Variants in CARS2 observed in about 807,000 individuals in gnomAD.
The protein encoded by CARS2 is cysteinyl-tRNA synthetase 2, mitochondrial.
In CARS2, 52 loss-of-function variants were observed where a neutral mutation model predicts 68.8. The ratio of observed to expected loss-of-function variants is 0.76; its 90% confidence interval spans 0.61 to 0.95. The LOEUF (loss-of-function observed/expected upper bound fraction) is 0.95. Among genes scored for constraint, CARS2 ranks in the 40% least tolerant of loss-of-function variants. The pLI is 0.00. For missense variants in CARS2, 780 were observed against 754.2 expected (o/e 1.03, Z -0.40); for synonymous variants, 314 against 303.6 (o/e 1.03, Z -0.36).
intron 1 of CARS2, chr13:110,713,111 G>T (rs896383948): frequency 2.6e-5 from 38 of 1,436,066 alleles, no homozygotes; most frequent in East Asian, 5.0e-5. Context: ...GTTTCTAGTA[G>T]TAAGAGTCCG....
At chr13:110,693,509 G>A (rs1172516690) in intron 3 of CARS2, among the ~76,000 whole-genome samples, 3 of 151,960 alleles carry the variant, frequency 2.0e-5, no homozygotes, top group Non-Finnish European at 2.9e-5. Context: ...ACAGGTGCCC[G>A]CCACCACGCC....
Position 110,677,089 on chromosome 13 carries a change from G to C in CARS2, c.670C>G (p.Arg224Gly), listed in dbSNP as rs1323009856. Residue 224 changes from arginine (R) to glycine (G), a missense_variant, in exon 7 of 15, where the codon CGT (arginine) becomes GGT (glycine). Coordinates refer to ENST00000257347, the MANE Select transcript of CARS2 (RefSeq NM_024537.4). ...CACAGGGCGAAGTCACTGGCATGAC[G>C]CTTGTCAGAGTCCGCTGCAGATGAC... is the stretch of plus-strand genomic sequence containing the variant. ...PVGEPADSDK[R>G]HASDFALWKA... 9 of 1,607,498 alleles carry C rather than the reference G, an allele frequency of 5.6e-6. No individual in the cohort carries two copies. In the East Asian group the frequency reaches 2.0e-4, roughly 36 times the overall value.
At chr13:110,706,755 G>C (rs1318872961), upstream of CARS2, among the ~76,000 whole-genome samples, 1 of 144,866 alleles carries the variant, frequency 6.9e-6, no homozygotes, top group Non-Finnish European at 1.5e-5. Context: ...CCAATACACA[G>C]TATGCACCCC....
intron 3 of CARS2, among the ~76,000 whole-genome samples, chr13:110,691,101 C>T (rs978507810): frequency 1.3e-5 from 2 of 152,176 alleles, no homozygotes; most frequent in African/African-American, 2.4e-5. Context: ...CTGCAACCTC[C>T]GCCTCCCGGG....
Position 110,665,997 on chromosome 13 carries a change from C to A in CARS2, c.919+1343G>T. The stretch of plus-strand genomic sequence containing the variant: ...CTTTCTTCATCTGGGACAAGGGACA[C>A]GACTACCTCTGTGCCTGAGACACAG... On this transcript the variant is annotated intron_variant, in intron 8 of 14. Transcript: ENST00000257347. The surrounding 1 kb of genome is among the most constrained non-coding windows in gnomAD (Gnocchi z 4.3). 1 of 985,284 alleles carries A rather than the reference C, an allele frequency of 1.0e-6. No homozygotes were observed. 61.0% of individuals were successfully genotyped at this position (985,284 alleles called of 1,614,324 possible).
chr13:110,671,385 C>T (rs1320190433), intron 7 of CARS2, among the ~76,000 whole-genome samples: 1 of 152,116 alleles, frequency 6.6e-6, no homozygotes, highest in Admixed American at 6.5e-5. Context: ...CCTCTATAAG[C>T]CAGAAGAGAG....
intron 10 of CARS2, chr13:110,648,994 A>G (rs386109): frequency 0.3 from 45,715 of 152,164 alleles, 8,851 homozygotes; most frequent in African/African-American, 0.55. Flanking sequence ...ACGAGCCGGG[A>G]AGAGAGCTCT....
chr13:110,663,598 AC>A, intron 8 of CARS2, 80 bp from the exon 9 acceptor site: 1 of 1,568,892 alleles, frequency 6.4e-7, no homozygotes, highest in East Asian at 2.2e-5. Flanking sequence ...TCCCCAGGAA[AC>A]GAATGGGAAC....
chr13:110,691,306 G>A (rs937826656), intron 3 of CARS2, among the ~76,000 whole-genome samples: 2 of 152,184 alleles, frequency 1.3e-5, no homozygotes, highest in African/African-American at 2.4e-5. Flanking sequence ...GTGAGTCACC[G>A]TGCCAGGCCG....
chr13:110,680,143 G>A (rs892106216), intron 6 of CARS2, among the ~76,000 whole-genome samples: 7 of 11,622 alleles, frequency 6.0e-4, no homozygotes, highest in African/African-American at 2.0e-3. Context: ...ACTTTGGGAG[G>A]CCGAGGGGGG....
chr13:110,712,433 G>A, intron 1 of CARS2: 1 of 187,804 alleles, frequency 5.3e-6, no homozygotes, highest in Non-Finnish European at 1.1e-5. Context: ...CAGCGGGGCG[G>A]AGGCCGAAGC....
At chr13:110,697,317 G>C (rs1244291608) in intron 3 of CARS2, among the ~76,000 whole-genome samples, 2 of 152,250 alleles carry the variant, frequency 1.3e-5, no homozygotes, top group African/African-American at 4.8e-5. Context: ...GGGTAAGGAT[G>C]TGAAGAAATA....
At position 110,690,615 on chromosome 13, in the gene CARS2, C is replaced by T. The variant is rs376107683; in HGVS notation, c.394-2597G>A. Among the ~76,000 whole-genome samples the T allele has an allele frequency of 3.0e-4, 45 of 152,348 alleles. 2 individuals carry two copies. The highest frequency in any genetic ancestry group is 2.5e-3 in the East Asian group (13 of 5,184). On this transcript the variant is annotated intron_variant, in intron 3 of 14. Coordinates refer to ENST00000257347, the MANE Select transcript of CARS2 (RefSeq NM_024537.4). The stretch of plus-strand genomic sequence containing the variant: ...TACCCGGTCCTGTCCCGATGCACAT[C>T]CCATCCTCACCACTACAAACACAAC...
intron 13 of CARS2, chr13:110,643,173 G>A (rs1189688710): frequency 1.4e-5 from 3 of 209,866 alleles, no homozygotes; most frequent in Non-Finnish European, 3.0e-5. Context: ...ACAGAAATAT[G>A]AGCCCAGAGT....
intron 2 of CARS2, among the ~76,000 whole-genome samples, chr13:110,702,445 T>C (rs945875792): frequency 6.6e-6 from 1 of 152,264 alleles, no homozygotes; most frequent in African/African-American, 2.4e-5. Context: ...CCTTACCGCC[T>C]GTGCAGCATG....
rs1036381336 is a variant in CARS2, at chr13:110,705,446, TAAAAG to T, written c.275+70_275+74del. On this transcript the variant is annotated intron_variant, in intron 2 of 14. Transcript: ENST00000257347. The surrounding 1 kb of genome is among the most constrained non-coding windows in gnomAD (Gnocchi z 4.0). ...CATCCCTAAGTTGCCACTTAAGAGATAAAAGAAATCAGCAAAAGGCTTTCAAAAAT... is the reference window on the plus strand; with the variant it reads ...CATCCCTAAGTTGCCACTTAAGAGATAAATCAGCAAAAGGCTTTCAAAAAT... The T allele has an allele frequency of 3.8e-6, 4 of 1,050,596 alleles. No individual in the cohort carries two copies. The East Asian group carries it at 9.7e-5, about 26-fold the overall frequency. 65.1% of individuals were successfully genotyped at this position (1,050,596 alleles called of 1,614,324 possible).
intron 7 of CARS2, among the ~76,000 whole-genome samples, chr13:110,673,006 A>C (rs1359827676): frequency 6.6e-6 from 1 of 152,220 alleles, no homozygotes; most frequent in Admixed American, 6.5e-5. Flanking sequence ...CCCTCCCAAG[A>C]CTAAACCAGG....
chr13:110,696,869 C>T (rs1013544850), intron 3 of CARS2, among the ~76,000 whole-genome samples: 6 of 152,212 alleles, frequency 3.9e-5, no homozygotes, highest in East Asian at 3.8e-4. Flanking sequence ...TCCCTGGATT[C>T]GGGGCTCTTG....
chr13:110,702,703 A>G (rs535465317), intron 2 of CARS2, among the ~76,000 whole-genome samples: 1 of 152,268 alleles, frequency 6.6e-6, no homozygotes, highest in African/African-American at 2.4e-5. Flanking sequence ...GTCATGAGCA[A>G]TTTGAGACCC....
Sources: gnomAD v4.1 joint callset for allele counts (sites outside exome capture counted in the v4.1 genomes callset) on GRCh38, gnomAD v4.1.1 for gene constraint, Gnocchi (gnomAD v3.1) non-coding constraint, MANE v1.5 for transcripts, NCBI Gene and HGNC (gene_info 2026-07-23, HGNC 2026-07-21) for gene names.